The following SREBF2 variants were observed in gnomAD, a reference collection of about 807,000 sequenced individuals.
SREBF2 encodes sterol regulatory element-binding protein 2.
SREBF2 carries 55 observed loss-of-function variants against 113.1 expected under a neutral mutation model. The observed-to-expected ratio is 0.49, with a 90% CI of 0.39 to 0.61. The LOEUF is 0.61. Ranked by LOEUF, SREBF2 falls within the 20% of genes least tolerant of loss-of-function variation. SREBF2 has a pLI of 0.00. For missense variants in SREBF2, 1,349 were observed against 1,487.4 expected, an observed-to-expected ratio of 0.91 and a Z score of 1.53; for synonymous variants, 593 against 605.7, an observed-to-expected ratio of 0.98 and a Z score of 0.31.
At chr22:41,844,629 A>T (rs1423575205) in intron 1 of SREBF2, among the ~76,000 whole-genome samples, 1 of 152,178 alleles carries the variant, frequency 6.6e-6, no homozygotes, top group African/African-American at 2.4e-5. Flanking sequence ...AGAATTGCTA[A>T]TGGATATGTA....
intron 3 of SREBF2, among the ~76,000 whole-genome samples, chr22:41,869,831 A>G (rs1271687543): frequency 2.7e-5 from 4 of 149,760 alleles, no homozygotes; most frequent in African/African-American, 9.8e-5. Context: ...TCTTTATGTT[A>G]TATATCATCG....
chr22:41,889,651 T>A (rs1225529721), intron 11 of SREBF2, among the ~76,000 whole-genome samples: 1 of 149,778 alleles, frequency 6.7e-6, no homozygotes, highest in Non-Finnish European at 1.5e-5. Context: ...CACCTGTGAA[T>A]AGAGCCACTC....
intron 3 of SREBF2, among the ~76,000 whole-genome samples, chr22:41,870,615 A>G (rs949317176): frequency 7.5e-6 from 1 of 132,466 alleles, no homozygotes; most frequent in Non-Finnish European, 1.5e-5. Context: ...AACAGAGAGC[A>G]ACCCTGTCTC....
intron 1 of SREBF2, among the ~76,000 whole-genome samples, chr22:41,861,125 A>T (rs2148367733): frequency 6.6e-6 from 1 of 152,346 alleles, no homozygotes; most frequent in South Asian, 2.1e-4. Context: ...ATTTGCATGC[A>T]TGTGCATGCT....
At chr22:41,884,188 T>C (rs1278267486) in intron 10 of SREBF2, among the ~76,000 whole-genome samples, 1 of 152,060 alleles carries the variant, frequency 6.6e-6, no homozygotes, top group African/African-American at 2.4e-5. Context: ...CAGGCTGGAG[T>C]GCAGTGGTGC....
intron 1 of SREBF2, among the ~76,000 whole-genome samples, chr22:41,839,004 A>G (rs1315525357): frequency 6.6e-6 from 1 of 152,160 alleles, no homozygotes; most frequent in East Asian, 1.9e-4. Context: ...CTGATGAGGA[A>G]AGGAAAGCAC....
chr22:41,835,526 T>C (rs1344358290), intron 1 of SREBF2, among the ~76,000 whole-genome samples: 2 of 152,016 alleles, frequency 1.3e-5, no homozygotes, highest in East Asian at 1.9e-4. Context: ...GTCGGGCTGG[T>C]CTCCAACTCC....
intron 1 of SREBF2, among the ~76,000 whole-genome samples, chr22:41,835,718 CTT>C (rs919477721): frequency 7.9e-5 from 12 of 152,200 alleles, no homozygotes; most frequent in African/African-American, 2.9e-4. Flanking sequence ...GCCTTGAACT[CTT>C]GGGCTTAAGC....
At chr22:41,835,602 ACCTGGCCGAGCCACCGTG>A (rs567319987) in intron 1 of SREBF2, among the ~76,000 whole-genome samples, 205 of 151,380 alleles carry the variant, frequency 1.4e-3, no homozygotes, top group Non-Finnish European at 2.1e-3. Flanking sequence ...GAGCCACTGT[ACCTGGCCGAGCCACCGTG>A]CCTGGCCGAG....
intron 1 of SREBF2, among the ~76,000 whole-genome samples, chr22:41,849,404 A>AGGCT (rs1442600111): frequency 6.6e-6 from 1 of 152,122 alleles, no homozygotes; most frequent in East Asian, 1.9e-4. Flanking sequence ...TTACCAGGCC[A>AGGCT]GGCTGGTCTT....
intron 1 of SREBF2, among the ~76,000 whole-genome samples, chr22:41,850,342 A>G (rs1467656556): frequency 6.6e-6 from 1 of 150,630 alleles, no homozygotes; most frequent in Admixed American, 6.6e-5. Context: ...CCAGCTACTC[A>G]GGAGGGTGAG....
intron 17 of SREBF2, chr22:41,904,662 C>T (rs1255146708): frequency 1.4e-6 from 1 of 711,070 alleles, no homozygotes; most frequent in East Asian, 2.7e-5. Context: ...TCATCCTGCT[C>T]CTGCTGTTCA....
At chr22:41,898,132 C>T (rs958817266) in intron 14 of SREBF2, among the ~76,000 whole-genome samples, 1 of 151,878 alleles carries the variant, frequency 6.6e-6, no homozygotes, top group Non-Finnish European at 1.5e-5. Context: ...TTTTTTGAGA[C>T]GGAGTCTTAC....
In SREBF2 at chr22:41,884,857, G is replaced by T. The variant is rs1478912673; in HGVS notation, c.2054G>T (p.Gly685Val). 6.2e-7 allele frequency: 1 copy of T among 1,614,042 alleles called. No individual in the cohort carries two copies. Among genetic ancestry groups the T allele is most frequent in the African/African-American group, 1.3e-5 (1 of 74,906 alleles). Reference protein sequence around the residue: ...QLHITGKLPAGSACSDVHMAL... With the variant: ...QLHITGKLPAVSACSDVHMAL... ...CCCACCCTAGGGAAGCTTCCTGCAG[G>T]ATCCGCCTGTTCCGATGTACACATG... The change falls in exon 11 of 19, where the codon GGA becomes GTA. Residue 685 changes from glycine (G) to valine (V), a missense_variant. This residue lies in a region of SREBF2 where 650 missense variants were observed against 644.1 expected (regional missense o/e 1.01). Coordinates refer to ENST00000361204, the MANE Select transcript of SREBF2 (RefSeq NM_004599.4).
In SREBF2 at chr22:41,900,457, C is replaced by T. The variant is rs1303694024; in HGVS notation, c.2866C>T (p.Leu956Phe). 6.2e-7 allele frequency: 1 copy of T among 1,613,922 alleles called. No individual in the cohort carries two copies. The highest frequency in any genetic ancestry group is 2.2e-5 in the East Asian group (1 of 44,876). Residue 956 changes from leucine to phenylalanine, a missense_variant, in exon 16 of 19, where the codon CTC becomes TTC. By Grantham distance (22) the Leu-to-Phe change is conservative. Around this residue, in one of 2 missense-constraint regions of SREBF2, gnomAD observed 650 missense variants for 644.1 expected, o/e 1.01. Coordinates refer to ENST00000361204, the MANE Select transcript of SREBF2 (RefSeq NM_004599.4). ...GGCCAGTGGCCACCTATGGAGCAGC[C>T]TCAACGTCAGTGGGGCCACCTCTGA... ...ERASGHLWSS[L>F]NVSGATSDPA... is the part of the protein sequence containing the mutation.
At position 41,898,651 on chromosome 22, in the gene SREBF2, C is replaced by A; in HGVS notation, c.2608C>A (p.Pro870Thr). The A allele has an allele frequency of 6.2e-7, 1 of 1,613,928 alleles. No individual in the cohort carries two copies. The highest frequency in any genetic ancestry group is 8.5e-7 in the Non-Finnish European group (1 of 1,179,966). Residue 870 changes from proline (P) to threonine (T), a missense_variant and splice_region_variant, in exon 15 of 19, where the codon CCA (proline) becomes ACA (threonine). Transcript: ENST00000361204. ...CGTTTGGTGCTGTTCTCCTCTAGGT[C>A]CAGACATCATCTGTCGGTGGTGGAC... ...RSSVLKSALG[P>T]DIICRWWTSA... is the part of the protein sequence containing the mutation.
intron 1 of SREBF2, among the ~76,000 whole-genome samples, chr22:41,849,610 G>C (rs1445017704): frequency 6.6e-6 from 1 of 152,156 alleles, no homozygotes; most frequent in Non-Finnish European, 1.5e-5. Flanking sequence ...CGTGTCTTAA[G>C]GGATGTATCT....
At chr22:41,845,106 T>C (rs2076865160) in intron 1 of SREBF2, among the ~76,000 whole-genome samples, 1 of 152,010 alleles carries the variant, frequency 6.6e-6, no homozygotes, top group Admixed American at 6.6e-5. Context: ...AATTTTTGTA[T>C]TTTTAGTAAA....
rs2077455068 is a variant in SREBF2 at position 41,900,371 on chromosome 22, T to C, written c.2780T>C (p.Met927Thr). 1 of 1,613,820 alleles carries C rather than the reference T, an allele frequency of 6.2e-7. No individual in the cohort carries two copies. The highest frequency in any genetic ancestry group is 1.1e-5 in the South Asian group (1 of 91,084). The part of the protein sequence containing the change: ...VKAIFHACRA[M>T]HASLPGKADG... ...GCCATCTTCCATGCCTGCAGAGCCATGCATGCCTCACTCCCTGGGAAAGCA... is the reference window on the plus strand; with the variant it reads ...GCCATCTTCCATGCCTGCAGAGCCACGCATGCCTCACTCCCTGGGAAAGCA... The change falls in exon 16 of 19, where the codon ATG (methionine) becomes ACG (threonine). Residue 927 changes from methionine (M) to threonine (T), a missense_variant. Met to Thr is a moderately conservative substitution (Grantham distance 81). This residue lies in a region of SREBF2 where 650 missense variants were observed against 644.1 expected (regional missense o/e 1.01). Coordinates refer to ENST00000361204, the MANE Select transcript of SREBF2 (RefSeq NM_004599.4).
Sources: gnomAD v4.1 joint callset for allele counts (sites outside exome capture counted in the v4.1 genomes callset) on GRCh38, gnomAD v4.1.1 for gene constraint, gnomAD v4.1.1 regional missense constraint, MANE v1.5 for transcripts, NCBI Gene and HGNC (gene_info 2026-07-23, HGNC 2026-07-21) for gene names.